The following SYT1 variants were observed in gnomAD, a reference collection of about 807,000 sequenced individuals.
SYT1 encodes the protein synaptotagmin-1.
In SYT1, 8 loss-of-function variants were observed where a neutral mutation model predicts 44.8. The observed-to-expected ratio is 0.18, with a 90% CI of 0.10 to 0.32. SYT1 has a LOEUF of 0.32. Among genes scored for constraint, SYT1 ranks in the 10% least tolerant of loss-of-function variants. The pLI is 1.00. For missense variants in SYT1, 286 were observed against 509.3 expected (o/e 0.56, Z 4.22); for synonymous variants, 154 against 188.8 (o/e 0.82, Z 1.51).
chr12:78,998,055 A>T (rs1291107197), intron 2 of SYT1, among the ~76,000 whole-genome samples: 4 of 152,216 alleles, frequency 2.6e-5, no homozygotes, highest in African/African-American at 9.7e-5. Flanking sequence ...GGTAGATCTG[A>T]GAACAAATGA....
intron 3 of SYT1, among the ~76,000 whole-genome samples, chr12:79,122,513 CAAAA>C (rs58384133): frequency 1.7e-4 from 11 of 65,014 alleles, no homozygotes; most frequent in African/African-American, 5.7e-4. Context: ...GACTCCGTCT[CAAAA>C]AAAAAAAAAA....
intron 3 of SYT1, among the ~76,000 whole-genome samples, chr12:79,212,783 A>G (rs1434339082): frequency 6.6e-6 from 1 of 152,228 alleles, no homozygotes; most frequent in African/African-American, 2.4e-5. Flanking sequence ...TTGTTTAATG[A>G]TGCTTAAATG....
intron 3 of SYT1, among the ~76,000 whole-genome samples, chr12:79,097,782 A>C (rs1480461418): frequency 6.6e-6 from 1 of 152,032 alleles, no homozygotes; most frequent in African/African-American, 2.4e-5. Context: ...ATGATAGAAA[A>C]TTTAAACTTT....
intron 9 of SYT1, among the ~76,000 whole-genome samples, chr12:79,390,271 T>C (rs1884606546): frequency 6.6e-6 from 1 of 152,220 alleles, no homozygotes; most frequent in African/African-American, 2.4e-5. Flanking sequence ...TGTATTGAAT[T>C]ACCTTGGATT....
chr12:79,123,449 C>T (rs1265155976), intron 3 of SYT1, among the ~76,000 whole-genome samples: 1 of 151,704 alleles, frequency 6.6e-6, no homozygotes, highest in African/African-American at 2.4e-5. Flanking sequence ...TTCATTTGGT[C>T]CTCTAGGTAC....
intron 8 of SYT1, among the ~76,000 whole-genome samples, chr12:79,320,925 G>A (rs554295856): frequency 7.2e-5 from 11 of 151,816 alleles, no homozygotes; most frequent in Admixed American, 3.9e-4. Context: ...CTGGCCTCTC[G>A]GGTAATTTCT....
At chr12:79,381,324 T>C (rs904558935) in intron 9 of SYT1, among the ~76,000 whole-genome samples, 1 of 152,204 alleles carries the variant, frequency 6.6e-6, no homozygotes, top group Admixed American at 6.5e-5. Flanking sequence ...TAGTTGAGAC[T>C]GTCTCAAGTT....
intron 3 of SYT1, among the ~76,000 whole-genome samples, chr12:79,073,743 C>T (rs1876445133): frequency 6.6e-6 from 1 of 152,134 alleles, no homozygotes; most frequent in South Asian, 2.1e-4. Context: ...ACTTCTTCGA[C>T]ATTAATCAAA....
At chr12:78,929,639 G>C (rs1216386030) in intron 1 of SYT1, among the ~76,000 whole-genome samples, 1 of 150,782 alleles carries the variant, frequency 6.6e-6, no homozygotes, top group Non-Finnish European at 1.5e-5. Context: ...ATGGAAAGTT[G>C]TGGAGTTTAC....
chr12:79,402,123 G>T (rs1451149887), intron 9 of SYT1, among the ~76,000 whole-genome samples: 1 of 151,402 alleles, frequency 6.6e-6, no homozygotes, highest in Non-Finnish European at 1.5e-5. Flanking sequence ...CCTCTGACAG[G>T]AGTTGACCCT....
chr12:79,300,838 A>C (rs1195476439), intron 8 of SYT1, among the ~76,000 whole-genome samples: 1 of 111,506 alleles, frequency 9.0e-6, no homozygotes, highest in African/African-American at 2.9e-5. Context: ...CTGTCTCAAT[A>C]TCTAAGAATG....
chr12:79,333,896 A>G (rs985616551), intron 8 of SYT1, among the ~76,000 whole-genome samples: 2 of 152,062 alleles, frequency 1.3e-5, no homozygotes, highest in African/African-American at 4.8e-5. Context: ...ATTTTTCTCA[A>G]ATTGTGATTG....
At chr12:79,096,240 C>A (rs1330736162) in intron 3 of SYT1, among the ~76,000 whole-genome samples, 1 of 151,910 alleles carries the variant, frequency 6.6e-6, no homozygotes, top group Non-Finnish European at 1.5e-5. Context: ...CAGAAAAAGC[C>A]TCTCCCTGCA....
intron 1 of SYT1, among the ~76,000 whole-genome samples, chr12:78,911,143 G>A (rs757942405): frequency 2.0e-5 from 3 of 152,006 alleles, no homozygotes; most frequent in Non-Finnish European, 4.4e-5. Flanking sequence ...TAAGGTGGAT[G>A]TAGACAGATT....
At chr12:79,109,152 C>G (rs1257861801) in intron 3 of SYT1, among the ~76,000 whole-genome samples, 3 of 152,300 alleles carry the variant, frequency 2.0e-5, no homozygotes, top group Non-Finnish European at 2.9e-5. Flanking sequence ...CTCCTCCCTG[C>G]TGCAAACAGC....
intron 3 of SYT1, among the ~76,000 whole-genome samples, chr12:79,186,662 C>T (rs964734580): frequency 4.6e-5 from 7 of 151,990 alleles, no homozygotes; most frequent in Admixed American, 4.6e-4. Flanking sequence ...GAAGTAGACT[C>T]CTGGCCCCCT....
intron 3 of SYT1, among the ~76,000 whole-genome samples, chr12:79,197,563 A>C (rs1326515275): frequency 6.6e-6 from 1 of 152,222 alleles, no homozygotes; most frequent in Admixed American, 6.5e-5. Context: ...GAAAATGCTT[A>C]AGAATTTTAC....
intron 1 of SYT1, among the ~76,000 whole-genome samples, chr12:78,889,623 TG>T (rs1287568551): frequency 2.0e-5 from 3 of 151,688 alleles, no homozygotes; most frequent in Non-Finnish European, 2.9e-5. Context: ...TTAGAGTGCA[TG>T]GGAACATAAC....
intron 3 of SYT1, among the ~76,000 whole-genome samples, chr12:79,081,518 A>G (rs1045508918): frequency 2.6e-5 from 4 of 151,774 alleles, no homozygotes; most frequent in African/African-American, 9.7e-5. Context: ...AGCTGGGGTT[A>G]TATGCACCTG....
Sources: gnomAD v4.1 joint callset for allele counts (sites outside exome capture counted in the v4.1 genomes callset) on GRCh38, gnomAD v4.1.1 for gene constraint, MANE v1.5 for transcripts, NCBI Gene and HGNC (gene_info 2026-07-23, HGNC 2026-07-21) for gene names.